The following PCDHGA11 variants were observed in gnomAD, a reference collection of about 807,000 sequenced individuals.
The protein encoded by PCDHGA11 is protocadherin gamma subfamily A, 11, also known as protocadherin gamma-A11.
PCDHGA11 carries 39 observed loss-of-function variants against 60.4 expected under a neutral mutation model. The ratio of observed to expected loss-of-function variants is 0.65; its 90% CI spans 0.50 to 0.84. PCDHGA11 has a LOEUF of 0.84. PCDHGA11 is among the 40% of genes least tolerant of loss of function. PCDHGA11 has a pLI of 0.00. For missense variants in PCDHGA11, 1,165 were observed against 1,197.7 expected, an observed-to-expected ratio of 0.97 and a Z score of 0.40; for synonymous variants, 533 against 510.3, an observed-to-expected ratio of 1.04 and a Z score of -0.60.
chr5:141,462,431 T>G (rs1345184304), intron 1 of PCDHGA11, among the ~76,000 whole-genome samples: 1 of 152,246 alleles, frequency 6.6e-6, no homozygotes, highest in East Asian at 1.9e-4. Context: ...TGGTGAGTGT[T>G]GCTTACACAC....
At chr5:141,478,443 C>T (rs2099456258) in intron 1 of PCDHGA11, 3 of 1,613,494 alleles carry the variant, frequency 1.9e-6, no homozygotes, top group Admixed American at 1.7e-5. Flanking sequence ...CTGAAGAAAC[C>T]TGGTGCAGCC....
Position 141,490,413 on chromosome 5 carries a change from G to A in PCDHGA11, c.2434-4394G>A, listed in dbSNP as rs2233606. On this transcript the variant is annotated intron_variant, in intron 1 of 3. Transcript: ENST00000398587. The surrounding 1 kb of genome is among the most constrained non-coding windows in gnomAD (Gnocchi z 5.4). ...GTGAAGTGAGCCTTGATATCTCTCC[G>A]GACCTGCCATTTCAGATTAAGCCTT... 2.3e-3 allele frequency: 3,787 copies of A among 1,614,128 alleles called. 38 individuals are homozygous for A. In the African/African-American group the frequency reaches 0.027, roughly 12 times the overall value.
chr5:141,469,511 G>A (rs2099203340), intron 1 of PCDHGA11, among the ~76,000 whole-genome samples: 1 of 152,038 alleles, frequency 6.6e-6, no homozygotes, highest in African/African-American at 2.4e-5. Flanking sequence ...GGAGGTGGAG[G>A]TTGCAGTGAG....
Position 141,491,657 on chromosome 5 carries a change from A to T in PCDHGA11, c.2434-3150A>T. 1.2e-6 allele frequency: 2 copies of T among 1,613,740 alleles called. No homozygotes were observed. Among genetic ancestry groups the T allele is most frequent in the Non-Finnish European group, 1.7e-6 (2 of 1,180,006 alleles). On this transcript the variant is annotated intron_variant, in intron 1 of 3. Transcript: ENST00000398587. The surrounding 1 kb of genome is among the most constrained non-coding windows in gnomAD (Gnocchi z 6.9). ...CCCACAGCTCTGGCGCTGGAGCCTG[A>T]CGCCATCCGGTCCCGCTCTAATACG...
Position 141,485,337 on chromosome 5 carries a change from A to G in PCDHGA11, c.2434-9470A>G, listed in dbSNP as rs147409155. On this transcript the variant is annotated intron_variant, in intron 1 of 3. Transcript: ENST00000398587. The surrounding 1 kb of genome is among the most constrained non-coding windows in gnomAD (Gnocchi z 5.7). ...AATGTCGCTCAAGATTTCCTGCTGG[A>G]TACGGACAGTCTGTCAGCTCGCAGG... 4.3e-5 allele frequency: 70 copies of G among 1,614,012 alleles called. No individual in the cohort carries two copies. Among genetic ancestry groups the G allele is most frequent in the Non-Finnish European group, 5.7e-5 (67 of 1,180,016 alleles).
intron 1 of PCDHGA11, among the ~76,000 whole-genome samples, chr5:141,437,331 A>G (rs2097876062): frequency 6.6e-6 from 1 of 152,244 alleles, no homozygotes; most frequent in Non-Finnish European, 1.5e-5. Context: ...TAAAATTTGT[A>G]GCTTCACTGT....
In PCDHGA11 at chr5:141,427,684, C is replaced by T. The variant is rs765112627; in HGVS notation, c.2433+4024C>T. 3.6e-6 allele frequency: 3 copies of T among 841,720 alleles called. No individual in the cohort carries two copies. In the Admixed American group the frequency reaches 5.8e-5, roughly 16 times the overall value. 52.1% of individuals were successfully genotyped at this position (841,720 alleles called of 1,614,324 possible). A position where few individuals can be genotyped will look rare whatever the true frequency, so the allele number is the denominator to read the frequency against. On this transcript the variant is annotated intron_variant, in intron 1 of 3. Transcript: ENST00000398587. The stretch of plus-strand genomic sequence containing the variant: ...GTGGCCGAAAACAACCTTCCCGGAG[C>T]CTCCATCCCACAAGTCAGCGCCTCT...
chr5:141,481,200 T>A (rs977235584), intron 1 of PCDHGA11, among the ~76,000 whole-genome samples: 2 of 152,178 alleles, frequency 1.3e-5, no homozygotes, highest in Non-Finnish European at 2.9e-5. Flanking sequence ...CCAATTTTTT[T>A]AAAAAACATG....
chr5:141,421,069 AGATG>A lies in PCDHGA11; in HGVS notation c.-155_-152del. The A allele has an allele frequency of 1.7e-6, 1 of 598,532 alleles. No homozygotes were observed. Among genetic ancestry groups the A allele is most frequent in the Non-Finnish European group, 2.8e-6 (1 of 352,094 alleles). 37.1% of individuals were successfully genotyped at this position (598,532 alleles called of 1,614,324 possible). ...CGCCTCTACCACACAAAGCGGAATG[AGATG>A]GATACTCACAGATCCTGACACTGGA... On this transcript the variant is annotated 5_prime_UTR_variant, in exon 1 of 4. An upstream start codon of the reference 5' UTR is lost. Coordinates refer to ENST00000398587, the MANE Select transcript of PCDHGA11 (RefSeq NM_018914.3).
intron 1 of PCDHGA11, among the ~76,000 whole-genome samples, chr5:141,469,345 G>A (rs2099197832): frequency 6.6e-6 from 1 of 152,128 alleles, no homozygotes; most frequent in Non-Finnish European, 1.5e-5. Context: ...GGGAGGCTGA[G>A]GTGGATGGAT....
rs961891623 is a variant in PCDHGA11 at position 141,487,938 on chromosome 5, GC to G, written c.2434-6868del. The G allele has an allele frequency of 2.8e-5, 17 of 600,188 alleles. No homozygotes were observed. The highest frequency in any genetic ancestry group is 4.7e-5 in the Non-Finnish European group (16 of 342,978). 37.2% of individuals were successfully genotyped at this position (600,188 alleles called of 1,614,324 possible). ...GAGGCTACAGTGCACAGGGTACAGTGCACCAGGCAGTCACTTGGACAAAGGT... is the reference window on the plus strand; with the variant it reads ...GAGGCTACAGTGCACAGGGTACAGTGACCAGGCAGTCACTTGGACAAAGGT... On this transcript the variant is annotated intron_variant, in intron 1 of 3. Coordinates refer to ENST00000398587, the MANE Select transcript of PCDHGA11 (RefSeq NM_018914.3). The surrounding 1 kb of genome is among the most constrained non-coding windows in gnomAD (Gnocchi z 5.0).
chr5:141,486,559 G>A lies in PCDHGA11; in HGVS notation c.2434-8248G>A. ...CTTTCTTTCAGAGGTCACATGAGGTGTTTGTTCCTGAGAACAATCGCCCAG... is the reference window on the plus strand; with the variant it reads ...CTTTCTTTCAGAGGTCACATGAGGTATTTGTTCCTGAGAACAATCGCCCAG... On this transcript the variant is annotated intron_variant, in intron 1 of 3. Transcript: ENST00000398587. This position sits in a 1 kb window ranked among gnomAD's most constrained non-coding sequence, Gnocchi z 5.0. 6.2e-7 allele frequency: 1 copy of A among 1,614,032 alleles called. No individual in the cohort carries two copies. Among genetic ancestry groups the A allele is most frequent in the Non-Finnish European group, 8.5e-7 (1 of 1,180,022 alleles).
chr5:141,510,847 AG>A, intron 3 of PCDHGA11, 99 bp from the exon 4 acceptor site: 3 of 1,595,350 alleles, frequency 1.9e-6, no homozygotes, highest in Non-Finnish European at 2.6e-6. Context: ...GTCAAGGCCC[AG>A]GGTGCTGTAT....
Position 141,432,153 on chromosome 5 carries a change from A to T in PCDHGA11, c.2433+8493A>T. 6.2e-7 allele frequency: 1 copy of T among 1,613,758 alleles called. No homozygotes were observed. The highest frequency in any genetic ancestry group is 8.5e-7 in the Non-Finnish European group (1 of 1,179,910). On this transcript the variant is annotated intron_variant, in intron 1 of 3. Transcript: ENST00000398587. This position sits in a 1 kb window ranked among gnomAD's most constrained non-coding sequence, Gnocchi z 6.0. ...TATTCCGCTTATATCCCAGAGAACA[A>T]TCCCAGAGGAGTTTCCCTCGTCTCT...
Position 141,422,549 on chromosome 5 carries a change from TGAA to T in PCDHGA11, c.1323_1325del (p.Asn442del), listed in dbSNP as rs1554114956. ...TTGTCTGCAGAAACTCATGTCTGGC[TGAA>T]TGTGGCAGATGACAACGATAACCCT... On this transcript the variant is annotated inframe_deletion, in exon 1 of 4. Coordinates refer to ENST00000398587, the MANE Select transcript of PCDHGA11 (RefSeq NM_018914.3). The T allele has an allele frequency of 5.0e-6, 8 of 1,614,026 alleles. No homozygotes were observed. Among genetic ancestry groups the T allele is most frequent in the Non-Finnish European group, 6.8e-6 (8 of 1,179,896 alleles).
At position 141,493,332 on chromosome 5, in the gene PCDHGA11, C is replaced by T. The variant is rs2099747680; in HGVS notation, c.2434-1475C>T. 6.6e-6 allele frequency among the ~76,000 whole-genome samples: 1 copy of T among 152,210 alleles called. No homozygotes were observed. The highest frequency in any genetic ancestry group is 1.5e-5 in the Non-Finnish European group (1 of 68,036). Reference sequence around the variant, plus strand: ...AAGAGAGATTCTAACCCCTGTCTAACTCCAGAATGTGTGCTTTTAATTTCT... The same window carrying T: ...AAGAGAGATTCTAACCCCTGTCTAATTCCAGAATGTGTGCTTTTAATTTCT... On this transcript the variant is annotated intron_variant, in intron 1 of 3. Transcript: ENST00000398587. This position sits in a 1 kb window ranked among gnomAD's most constrained non-coding sequence, Gnocchi z 4.3.
In PCDHGA11 at chr5:141,487,574, C is replaced by T. The variant is rs753979217; in HGVS notation, c.2434-7233C>T. ...TGCACCTATGGCAGGGGAGCCTGTTCGCCCAAGCTGCCCACCCTCTGATCT... is the reference window on the plus strand; with the variant it reads ...TGCACCTATGGCAGGGGAGCCTGTTTGCCCAAGCTGCCCACCCTCTGATCT... On this transcript the variant is annotated intron_variant, in intron 1 of 3. Transcript: ENST00000398587. This position sits in a 1 kb window ranked among gnomAD's most constrained non-coding sequence, Gnocchi z 5.0. 1.2e-5 allele frequency: 20 copies of T among 1,614,040 alleles called. 1 individual carries two copies. The highest frequency in any genetic ancestry group is 8.9e-5 in the East Asian group (4 of 44,870).
intron 1 of PCDHGA11, among the ~76,000 whole-genome samples, chr5:141,465,911 A>G (rs540115471): frequency 6.6e-6 from 1 of 152,260 alleles, no homozygotes; most frequent in East Asian, 1.9e-4. Context: ...TCACGAGGTC[A>G]GGATTTCGAG....
intron 1 of PCDHGA11, chr5:141,441,665 A>ACAGTG (rs936537442): frequency 7.5e-6 from 2 of 265,720 alleles, no homozygotes; most frequent in African/African-American, 4.7e-5. Flanking sequence ...CCTTGAGCGC[A>ACAGTG]CAGTGCGCCT....
Sources: allele counts gnomAD v4.1 joint callset (sites outside exome capture counted in the v4.1 genomes callset), GRCh38; gene constraint gnomAD v4.1.1; non-coding constraint Gnocchi (gnomAD v3.1); transcripts MANE v1.5; gene names NCBI Gene and HGNC (gene_info 2026-07-23, HGNC 2026-07-21).